PARP8: variants seen among roughly 807,000 people sequenced by gnomAD.
PARP8 encodes the protein poly(ADP-ribose) polymerase family member 8.
Under a neutral mutation model 124.1 loss-of-function variants are expected in PARP8, and 51 were observed. The observed-to-expected ratio is 0.41, with a 90% CI of 0.33 to 0.52. The LOEUF is 0.52. Ranked by LOEUF, PARP8 falls within the 20% of genes least tolerant of loss-of-function variation. The pLI, the probability that PARP8 is intolerant of heterozygous loss-of-function variation, is 0.21. For missense variants in PARP8, 860 were observed against 1,018.9 expected (o/e 0.84, Z 2.12); for synonymous variants, 391 against 361.5 (o/e 1.08, Z -0.93).
intron 14 of PARP8, among the ~76,000 whole-genome samples, chr5:50,804,388 G>T (rs1743587394): frequency 6.6e-6 from 1 of 152,116 alleles, no homozygotes; most frequent in Admixed American, 6.6e-5. Context: ...TTTTAAGGCT[G>T]CCACTGAGCT....
intron 2 of PARP8, among the ~76,000 whole-genome samples, chr5:50,672,909 A>G (rs1172158467): frequency 2.0e-5 from 3 of 152,022 alleles, no homozygotes; most frequent in African/African-American, 2.4e-5. Context: ...AGGTTTGTCA[A>G]TTTTCATTAT....
chr5:50,817,647 C>T (rs543245916), intron 15 of PARP8, among the ~76,000 whole-genome samples: 2 of 152,182 alleles, frequency 1.3e-5, no homozygotes, highest in East Asian at 3.9e-4. Flanking sequence ...AGATATTGGG[C>T]TCTCATCTAA....
At chr5:50,811,377 A>T (rs1448225433) in intron 14 of PARP8, among the ~76,000 whole-genome samples, 1 of 152,086 alleles carries the variant, frequency 6.6e-6, no homozygotes, top group Non-Finnish European at 1.5e-5. Context: ...GTGATAGGAA[A>T]TAGAGAGGTC....
At chr5:50,824,301 T>C (rs757560237) in intron 17 of PARP8, among the ~76,000 whole-genome samples, 8 of 152,160 alleles carry the variant, frequency 5.3e-5, no homozygotes, top group Non-Finnish European at 1.0e-4. Context: ...ACAGGACACT[T>C]GTAAAGGTGG....
At position 50,826,740 on chromosome 5, in the gene PARP8, T is replaced by C; in HGVS notation, c.1929-15T>C. 6.3e-7 allele frequency: 1 copy of C among 1,577,586 alleles called. No individual in the cohort carries two copies. The highest frequency in any genetic ancestry group is 8.6e-7 in the Non-Finnish European group (1 of 1,168,366). On this transcript the variant is annotated splice_polypyrimidine_tract_variant and intron_variant, in intron 18 of 25. Coordinates refer to ENST00000281631, the MANE Select transcript of PARP8 (RefSeq NM_024615.4). ...TTGGCATGTATTTGTGACTAATGGA[T>C]CATTTTAATTTCAGGGTTATATCAA...
chr5:50,816,764 TA>T (rs1186548284), intron 15 of PARP8, among the ~76,000 whole-genome samples: 3 of 152,156 alleles, frequency 2.0e-5, no homozygotes, highest in African/African-American at 7.2e-5. Context: ...TCCCTATAAC[TA>T]AGAAAATAGC....
At chr5:50,678,911 A>G (rs1389729556) in intron 2 of PARP8, among the ~76,000 whole-genome samples, 3 of 152,302 alleles carry the variant, frequency 2.0e-5, no homozygotes, top group South Asian at 4.1e-4. Flanking sequence ...TGTGAGCAAC[A>G]TGAACAAGGA....
At chr5:50,673,132 T>G (rs186423700) in intron 2 of PARP8, among the ~76,000 whole-genome samples, 1 of 152,300 alleles carries the variant, frequency 6.6e-6, no homozygotes, top group East Asian at 1.9e-4. Flanking sequence ...GTGTGTTCCT[T>G]GGAGTCCTGG....
At chr5:50,764,926 A>G (rs759602769) in intron 7 of PARP8, among the ~76,000 whole-genome samples, 2 of 152,084 alleles carry the variant, frequency 1.3e-5, no homozygotes, top group Admixed American at 1.3e-4. Context: ...GGATATAACA[A>G]TCATAATACA....
intron 2 of PARP8, among the ~76,000 whole-genome samples, chr5:50,737,657 T>C (rs1214976384): frequency 6.6e-6 from 1 of 152,210 alleles, no homozygotes; most frequent in African/African-American, 2.4e-5. Context: ...TCTTGTTTCA[T>C]TGGATCTTGG....
rs144630785 is a variant in PARP8 at position 50,695,424 on chromosome 5, T to C, written c.146+27299T>C. 5.0e-3 allele frequency among the ~76,000 whole-genome samples: 754 copies of C among 152,322 alleles called. 6 individuals are homozygous for C. Among genetic ancestry groups the C allele is most frequent in the African/African-American group, 0.017 (727 of 41,576 alleles). ...CTAAATTAATGAACTAGGTTGTAAATGATTGTTGGAGTCTGACCAGCTTAG... is the reference window on the plus strand; with the variant it reads ...CTAAATTAATGAACTAGGTTGTAAACGATTGTTGGAGTCTGACCAGCTTAG... On this transcript the variant is annotated intron_variant, in intron 2 of 25. Coordinates refer to ENST00000281631, the MANE Select transcript of PARP8 (RefSeq NM_024615.4).
chr5:50,690,724 C>G (rs1245481307), intron 2 of PARP8, among the ~76,000 whole-genome samples: 5 of 152,158 alleles, frequency 3.3e-5, no homozygotes, highest in African/African-American at 1.2e-4. Context: ...GAGATAGAAA[C>G]TCAACAGTGG....
intron 2 of PARP8, among the ~76,000 whole-genome samples, chr5:50,684,364 AG>A (rs1230934322): frequency 6.6e-6 from 1 of 152,112 alleles, no homozygotes; most frequent in Non-Finnish European, 1.5e-5. Flanking sequence ...TGTTGATCTT[AG>A]GGGGGCTGAT....
At chr5:50,741,473 A>G (rs1323497401) in intron 2 of PARP8, among the ~76,000 whole-genome samples, 2 of 152,202 alleles carry the variant, frequency 1.3e-5, no homozygotes, top group African/African-American at 4.8e-5. Flanking sequence ...TTACTAATCA[A>G]TGTCAGACTT....
intron 2 of PARP8, among the ~76,000 whole-genome samples, chr5:50,729,655 G>T (rs1174663340): frequency 3.9e-5 from 6 of 152,102 alleles, no homozygotes; most frequent in African/African-American, 1.4e-4. Flanking sequence ...TTTCTTTTCA[G>T]TTAGGTGTGA....
chr5:50,692,665 T>C (rs987914341), intron 2 of PARP8, among the ~76,000 whole-genome samples: 1 of 152,118 alleles, frequency 6.6e-6, no homozygotes, highest in Non-Finnish European at 1.5e-5. Flanking sequence ...ATGGTTTCTT[T>C]TTCTTGATTT....
Position 50,772,196 on chromosome 5 carries a change from T to A in PARP8, c.519-5873T>A, listed in dbSNP as rs557297143. ...TGACAGGATTTCCTTCATTTTTTTA[T>A]GGCAGAGCAGTATTTTATTGTGTGT... On this transcript the variant is annotated intron_variant, in intron 7 of 25. Transcript: ENST00000281631. Among the ~76,000 whole-genome samples the A allele has an allele frequency of 1.3e-3, 201 of 152,344 alleles. 1 individual carries two copies. Among genetic ancestry groups the A allele is most frequent in the African/African-American group, 4.8e-3 (199 of 41,578 alleles).
chr5:50,785,363 T>C (rs1580334704), intron 9 of PARP8, among the ~76,000 whole-genome samples: 1 of 152,330 alleles, frequency 6.6e-6, no homozygotes, highest in East Asian at 1.9e-4. Flanking sequence ...TCTTTCTCTC[T>C]TTCTACATAT....
At chr5:50,688,856 C>T (rs1358123833) in intron 2 of PARP8, among the ~76,000 whole-genome samples, 11 of 151,956 alleles carry the variant, frequency 7.2e-5, no homozygotes, top group Non-Finnish European at 1.2e-4. Flanking sequence ...AAATTAAGAA[C>T]ATTATGATGT....
Sources: gnomAD v4.1 joint callset for allele counts (sites outside exome capture counted in the v4.1 genomes callset) on GRCh38, gnomAD v4.1.1 for gene constraint, MANE v1.5 for transcripts, NCBI Gene and HGNC (gene_info 2026-07-23, HGNC 2026-07-21) for gene names.